PHACTR1: variants seen among roughly 807,000 people sequenced by gnomAD.
The protein encoded by PHACTR1 is RPEL repeat containing 1.
Under a neutral mutation model 69.2 loss-of-function variants are expected in PHACTR1, and 16 were observed. The observed-to-expected ratio is 0.23, with a 90% CI of 0.16 to 0.35. The LOEUF (loss-of-function observed/expected upper bound fraction) is 0.35. Ranked by LOEUF, PHACTR1 falls within the 10% of genes least tolerant of loss-of-function variation. PHACTR1 has a pLI of 1.00. For synonymous variants in PHACTR1, 312 were observed against 284.5 expected, an observed-to-expected ratio of 1.10 and a Z score of -0.97; for missense variants, 510 against 734.7, an observed-to-expected ratio of 0.69 and a Z score of 3.54.
At chr6:12,910,913 G>A (rs1350710580) in intron 4 of PHACTR1, among the ~76,000 whole-genome samples, 1 of 152,186 alleles carries the variant, frequency 6.6e-6, no homozygotes, top group African/African-American at 2.4e-5. Flanking sequence ...TAGAACTGTG[G>A]CGCATGGTGT....
intron 4 of PHACTR1, among the ~76,000 whole-genome samples, chr6:12,847,994 G>A (rs1207702388): frequency 2.6e-5 from 4 of 152,070 alleles, no homozygotes; most frequent in Non-Finnish European, 5.9e-5. Flanking sequence ...ATCTTGATGT[G>A]GTTAGAAGAA....
intron 7 of PHACTR1, among the ~76,000 whole-genome samples, chr6:13,192,143 G>T (rs192302410): frequency 2.0e-5 from 3 of 152,346 alleles, no homozygotes; most frequent in African/African-American, 7.2e-5. Context: ...GGCCATCAGC[G>T]GGAGGAGCTG....
At chr6:13,262,034 C>G (rs1288334631) in intron 10 of PHACTR1, among the ~76,000 whole-genome samples, 1 of 152,222 alleles carries the variant, frequency 6.6e-6, no homozygotes, top group Non-Finnish European at 1.5e-5. Flanking sequence ...ACTTACTTTT[C>G]AAGCACAGAG....
intron 5 of PHACTR1, among the ~76,000 whole-genome samples, chr6:13,073,331 A>ATTTTTTTTTTTTTTT (rs10664160): frequency 6.1e-5 from 4 of 65,692 alleles, no homozygotes; most frequent in Non-Finnish European, 1.0e-4. Context: ...CATTCCATGA[A>ATTTTTTTTTTTTTTT]TTTTTTTTTT....
intron 4 of PHACTR1, among the ~76,000 whole-genome samples, chr6:12,968,287 T>C (rs997354833): frequency 6.6e-6 from 1 of 152,196 alleles, no homozygotes. Context: ...ATTTCACAAA[T>C]GAGCTTGGAA....
At chr6:13,039,447 T>G (rs1803839214) in intron 4 of PHACTR1, among the ~76,000 whole-genome samples, 1 of 152,216 alleles carries the variant, frequency 6.6e-6, no homozygotes, top group Non-Finnish European at 1.5e-5. Context: ...ACAAAGCCTT[T>G]CTTTGCCTTC....
chr6:13,082,416 T>C (rs1811544954), intron 5 of PHACTR1, among the ~76,000 whole-genome samples: 1 of 152,178 alleles, frequency 6.6e-6, no homozygotes. Flanking sequence ...CATAGGAATC[T>C]GAAACAGCTG....
At chr6:12,881,641 C>A (rs1783102799) in intron 4 of PHACTR1, among the ~76,000 whole-genome samples, 1 of 152,088 alleles carries the variant, frequency 6.6e-6, no homozygotes, top group Non-Finnish European at 1.5e-5. Flanking sequence ...TCTTCTTCCC[C>A]CAGGAGAGTG....
chr6:12,897,198 A>C (rs781748177), intron 4 of PHACTR1, among the ~76,000 whole-genome samples: 2 of 152,260 alleles, frequency 1.3e-5, no homozygotes, highest in Non-Finnish European at 2.9e-5. Flanking sequence ...CATAGTGGAC[A>C]TGGAAAATAT....
chr6:12,910,160 A>G (rs953847229), intron 4 of PHACTR1, among the ~76,000 whole-genome samples: 2 of 152,126 alleles, frequency 1.3e-5, no homozygotes, highest in African/African-American at 4.8e-5. Flanking sequence ...AAGAGGGAGG[A>G]GTAGGCAGGT....
chr6:13,156,052 CAAT>C (rs1758126199), intron 5 of PHACTR1, among the ~76,000 whole-genome samples: 1 of 152,200 alleles, frequency 6.6e-6, no homozygotes, highest in Non-Finnish European at 1.5e-5. Flanking sequence ...ATCATTCTCA[CAAT>C]GATGTTGCGT....
intron 4 of PHACTR1, among the ~76,000 whole-genome samples, chr6:12,996,097 T>C (rs1797383377): frequency 6.6e-6 from 1 of 152,126 alleles, no homozygotes; most frequent in Non-Finnish European, 1.5e-5. Context: ...ATGTGTAGCC[T>C]TGCATGTATG....
At chr6:12,936,065 T>G (rs1433070058) in intron 4 of PHACTR1, among the ~76,000 whole-genome samples, 3 of 149,758 alleles carry the variant, frequency 2.0e-5, no homozygotes, top group African/African-American at 7.4e-5. Context: ...AAAAAACAGA[T>G]AATCTTGTTG....
intron 4 of PHACTR1, among the ~76,000 whole-genome samples, chr6:12,855,854 A>G (rs933835609): frequency 3.3e-5 from 5 of 152,258 alleles, no homozygotes; most frequent in African/African-American, 7.2e-5. Flanking sequence ...TGAAAATGTC[A>G]TAAGAACAGT....
chr6:13,234,765 A>G (rs1453501311), intron 10 of PHACTR1, among the ~76,000 whole-genome samples: 2 of 152,146 alleles, frequency 1.3e-5, no homozygotes, highest in African/African-American at 2.4e-5. Context: ...TTAATAAATA[A>G]CTATTTCAGT....
chr6:13,075,295 A>T (rs1443404679), intron 5 of PHACTR1, among the ~76,000 whole-genome samples: 2 of 152,170 alleles, frequency 1.3e-5, no homozygotes, highest in Non-Finnish European at 2.9e-5. Context: ...AGGTTAAGCA[A>T]CTTGCCCCAA....
At chr6:12,970,519 C>G (rs1244575452) in intron 4 of PHACTR1, among the ~76,000 whole-genome samples, 1 of 152,206 alleles carries the variant, frequency 6.6e-6, no homozygotes, top group Non-Finnish European at 1.5e-5. Flanking sequence ...CCTGTAATCC[C>G]AGCACGTTGT....
intron 4 of PHACTR1, among the ~76,000 whole-genome samples, chr6:12,985,821 A>T (rs900999900): frequency 1.4e-4 from 21 of 151,972 alleles, no homozygotes; most frequent in African/African-American, 4.8e-4. Context: ...ATTTATATTA[A>T]GTTCAAAAAC....
chr6:12,987,815 G>T (rs955932942), intron 4 of PHACTR1, among the ~76,000 whole-genome samples: 3 of 152,176 alleles, frequency 2.0e-5, no homozygotes, highest in African/African-American at 7.2e-5. Context: ...AGGGTTAATG[G>T]TGTTTCTACT....
Sources: gnomAD v4.1 joint callset for allele counts (sites outside exome capture counted in the v4.1 genomes callset) on GRCh38, gnomAD v4.1.1 for gene constraint, MANE v1.5 for transcripts, NCBI Gene and HGNC (gene_info 2026-07-23, HGNC 2026-07-21) for gene names.